Variants in MALRD1 observed in about 807,000 individuals in gnomAD.
MALRD1 encodes the protein MAM and LDL receptor class A domain containing 1.
Under a neutral mutation model 242.1 loss-of-function variants are expected in MALRD1, and 247 were observed. The ratio of observed to expected loss-of-function variants is 1.02; its 90% CI spans 0.92 to 1.13. The LOEUF (loss-of-function observed/expected upper bound fraction) is 1.13, where lower values mean the gene tolerates loss of function less well. Ranked by LOEUF, MALRD1 falls within the 50% of genes most tolerant of loss-of-function variation. MALRD1 has a pLI of 0.00. For synonymous variants in MALRD1, 995 were observed against 866.6 expected (o/e 1.15, Z -2.60); for missense variants, 2,989 against 2,533.1 (o/e 1.18, Z -3.86).
At chr10:19,328,673 T>A (rs1843237663) in intron 23 of MALRD1, among the ~76,000 whole-genome samples, 1 of 152,172 alleles carries the variant, frequency 6.6e-6, no homozygotes, top group Non-Finnish European at 1.5e-5. Flanking sequence ...ACAGCCAATT[T>A]CTTGGAATGA....
At chr10:19,400,496 C>T (rs1330404693) in intron 28 of MALRD1, among the ~76,000 whole-genome samples, 1 of 152,092 alleles carries the variant, frequency 6.6e-6, no homozygotes, top group Non-Finnish European at 1.5e-5. Context: ...TGTTTACTGT[C>T]CTGTCTGTAG....
intron 31 of MALRD1, among the ~76,000 whole-genome samples, chr10:19,530,362 T>C: frequency 9.3e-6 from 1 of 107,964 alleles, no homozygotes; most frequent in Non-Finnish European, 1.6e-5. Context: ...ATAATATTTA[T>C]ATAAATATTT....
At chr10:19,218,243 T>C (rs1199266749) in intron 18 of MALRD1, among the ~76,000 whole-genome samples, 2 of 152,178 alleles carry the variant, frequency 1.3e-5, no homozygotes, top group Non-Finnish European at 2.9e-5. Flanking sequence ...ATAAAAGTGT[T>C]TTACTTAAAG....
chr10:19,336,387 G>A (rs1843614067), intron 24 of MALRD1, among the ~76,000 whole-genome samples: 1 of 152,148 alleles, frequency 6.6e-6, no homozygotes. Flanking sequence ...ATGCAATAGA[G>A]TTGACCAACA....
At chr10:19,237,704 A>T (rs1395546194) in intron 18 of MALRD1, among the ~76,000 whole-genome samples, 3 of 115,832 alleles carry the variant, frequency 2.6e-5, no homozygotes, top group African/African-American at 1.0e-4. Flanking sequence ...ATACATAATT[A>T]TATATATATT....
At chr10:19,662,464 A>G (rs775488882) in intron 36 of MALRD1, among the ~76,000 whole-genome samples, 10 of 152,118 alleles carry the variant, frequency 6.6e-5, no homozygotes, top group African/African-American at 1.9e-4. Context: ...ATTAAATACT[A>G]TTTTCGAGTT....
chr10:19,589,930 GAAC>G (rs1381507513), intron 33 of MALRD1, among the ~76,000 whole-genome samples: 2 of 152,098 alleles, frequency 1.3e-5, no homozygotes, highest in African/African-American at 2.4e-5. Context: ...CTCGCATAAT[GAAC>G]AACAACATGA....
At chr10:19,430,111 C>CTTTTTTTTTTTTTTTTTTT (rs1156254998) in intron 28 of MALRD1, among the ~76,000 whole-genome samples, 1 of 83,526 alleles carries the variant, frequency 1.2e-5, no homozygotes, top group African/African-American at 4.9e-5. Context: ...CTCCATTTTC[C>CTTTTTTTTTTTTTTTTTTT]TTTTTTTTTT....
At chr10:19,610,223 A>G (rs1441922204) in intron 35 of MALRD1, among the ~76,000 whole-genome samples, 1 of 151,918 alleles carries the variant, frequency 6.6e-6, no homozygotes, top group African/African-American at 2.4e-5. Flanking sequence ...TCTTTGTGGT[A>G]CGAACGTTGA....
At chr10:19,287,332 A>T (rs1841173618) in intron 21 of MALRD1, among the ~76,000 whole-genome samples, 1 of 151,974 alleles carries the variant, frequency 6.6e-6, no homozygotes, top group Admixed American at 6.6e-5. Context: ...GGCTTCCTCT[A>T]TTGACATCCT....
At chr10:19,513,911 T>C (rs1212973545) in intron 31 of MALRD1, among the ~76,000 whole-genome samples, 2 of 152,178 alleles carry the variant, frequency 1.3e-5, no homozygotes, top group Non-Finnish European at 2.9e-5. Flanking sequence ...GATATTGGGT[T>C]AGCAATTTAG....
intron 36 of MALRD1, among the ~76,000 whole-genome samples, chr10:19,627,685 C>G (rs1326992): frequency 0.029 from 4,295 of 149,178 alleles, 193 homozygotes; most frequent in African/African-American, 0.09. Flanking sequence ...CACTTGAACA[C>G]GGTGGGCAGA....
intron 36 of MALRD1, among the ~76,000 whole-genome samples, chr10:19,627,049 C>T (rs938835674): frequency 5.3e-5 from 8 of 151,902 alleles, no homozygotes; most frequent in Admixed American, 4.6e-4. Flanking sequence ...AATAGCTTAA[C>T]GTGGTTACCT....
chr10:19,600,565 C>T (rs994347666), intron 34 of MALRD1, among the ~76,000 whole-genome samples: 10 of 152,206 alleles, frequency 6.6e-5, no homozygotes, highest in South Asian at 2.1e-4. Context: ...AGCCTTCATT[C>T]TCATAGCCCA....
intron 38 of MALRD1, among the ~76,000 whole-genome samples, chr10:19,719,219 C>CATAAATATAT (rs1290415118): frequency 3.3e-5 from 1 of 30,306 alleles, no homozygotes; most frequent in Non-Finnish European, 8.4e-5. Context: ...TATACACATA[C>CATAAATATAT]ATACATATAT....
chr10:19,712,970 G>T (rs1052498865), intron 38 of MALRD1, among the ~76,000 whole-genome samples: 54 of 151,852 alleles, frequency 3.6e-4, no homozygotes, highest in African/African-American at 1.2e-3. Context: ...TTTGTTTTTT[G>T]TTTTGTTTCC....
intron 14 of MALRD1, among the ~76,000 whole-genome samples, chr10:19,191,742 A>G (rs559201664): frequency 6.6e-6 from 1 of 152,302 alleles, no homozygotes; most frequent in South Asian, 2.1e-4. Flanking sequence ...TCACACCTGT[A>G]ATCCTAGCAC....
At chr10:19,586,721 C>A (rs1246309682) in intron 33 of MALRD1, among the ~76,000 whole-genome samples, 20 of 152,328 alleles carry the variant, frequency 1.3e-4, no homozygotes, top group South Asian at 2.1e-4. Context: ...CTACAGAGGC[C>A]CGCAGGCCTC....
intron 32 of MALRD1, among the ~76,000 whole-genome samples, chr10:19,537,409 C>G (rs1217589473): frequency 6.7e-6 from 1 of 148,270 alleles, no homozygotes; most frequent in Non-Finnish European, 1.5e-5. Flanking sequence ...CTGCGAAGTC[C>G]AAGATCAAGG....
Sources: gnomAD v4.1 joint callset for allele counts (sites outside exome capture counted in the v4.1 genomes callset) on GRCh38, gnomAD v4.1.1 for gene constraint, MANE v1.5 for transcripts, NCBI Gene and HGNC (gene_info 2026-07-23, HGNC 2026-07-21) for gene names.